PARD3B: variants seen among roughly 807,000 people sequenced by gnomAD.
PARD3B encodes par-3 family cell polarity regulator beta.
PARD3B carries 103 observed loss-of-function variants against 130.2 expected under a neutral mutation model. The ratio of observed to expected loss-of-function variants is 0.79; its 90% CI spans 0.67 to 0.93. PARD3B has a LOEUF of 0.93. Ranked by LOEUF, PARD3B falls within the 40% of genes least tolerant of loss-of-function variation. PARD3B has a pLI of 0.00. For missense variants in PARD3B, 1,609 were observed against 1,499.2 expected, an observed-to-expected ratio of 1.07 and a Z score of -1.21; for synonymous variants, 583 against 553.2, an observed-to-expected ratio of 1.05 and a Z score of -0.76.
intron 1 of PARD3B, among the ~76,000 whole-genome samples, chr2:204,596,799 A>G (rs1227531478): frequency 6.6e-6 from 1 of 151,956 alleles, no homozygotes; most frequent in Non-Finnish European, 1.5e-5. Context: ...GTGGTGGCAC[A>G]TGCATTTACT....
intron 2 of PARD3B, among the ~76,000 whole-genome samples, chr2:204,929,606 T>C (rs1438458549): frequency 6.6e-6 from 1 of 152,070 alleles, no homozygotes; most frequent in Non-Finnish European, 1.5e-5. Context: ...GAAGTTTCAA[T>C]AAATGTAAAT....
At chr2:205,013,234 A>G (rs1229229938) in intron 3 of PARD3B, among the ~76,000 whole-genome samples, 3 of 152,182 alleles carry the variant, frequency 2.0e-5, no homozygotes, top group African/African-American at 7.2e-5. Context: ...TATTTGCTCT[A>G]ATTCAAATGC....
chr2:204,924,253 A>G (rs576544935), intron 2 of PARD3B, among the ~76,000 whole-genome samples: 1 of 152,042 alleles, frequency 6.6e-6, no homozygotes, highest in Non-Finnish European at 1.5e-5. Flanking sequence ...CTAAAACATC[A>G]TGGCTTTCAC....
intron 16 of PARD3B, among the ~76,000 whole-genome samples, chr2:205,272,273 A>G (rs12998621): frequency 8.8e-4 from 134 of 152,192 alleles, no homozygotes; most frequent in Non-Finnish European, 1.8e-3. Context: ...ATATGGCAAT[A>G]TATATTTTAC....
At position 204,545,887 on chromosome 2, in the gene PARD3B, G is replaced by C. The variant is rs2029889025; in HGVS notation, c.-113G>C. ...CGGGCCTCAGGGTGTTCCGGGGAGC[G>C]GCGCCCCGGGTCTCTGGGCCCACCC... is the stretch of plus-strand genomic sequence containing the variant. On this transcript the variant is annotated 5_prime_UTR_variant, in exon 1 of 23. Coordinates refer to ENST00000406610, the MANE Select transcript of PARD3B (RefSeq NM_001302769.2). 1.6e-6 allele frequency: 2 copies of C among 1,220,474 alleles called. No homozygotes were observed. The highest frequency in any genetic ancestry group is 2.2e-6 in the Non-Finnish European group (2 of 926,148). The allele number at this position is 1,220,474 out of a possible 1,614,324, so 75.6% of individuals were successfully genotyped here. A position where few individuals can be genotyped will look rare whatever the true frequency, so the allele number is the denominator to read the frequency against.
chr2:205,193,626 C>CT (rs2036513881), intron 15 of PARD3B, among the ~76,000 whole-genome samples: 1 of 151,990 alleles, frequency 6.6e-6, no homozygotes, highest in African/African-American at 2.4e-5. Flanking sequence ...TTATCTCATC[C>CT]ATCTGCCTTT....
chr2:204,581,312 G>T (rs960973688), intron 1 of PARD3B, among the ~76,000 whole-genome samples: 5 of 152,146 alleles, frequency 3.3e-5, no homozygotes, highest in Admixed American at 3.3e-4. Context: ...AGTTGCATTT[G>T]TAAGTAAATT....
intron 3 of PARD3B, among the ~76,000 whole-genome samples, chr2:205,018,491 G>A (rs1696329630): frequency 6.6e-6 from 1 of 151,976 alleles, no homozygotes; most frequent in African/African-American, 2.4e-5. Flanking sequence ...CATTGGACTT[G>A]ATGAAGTGTT....
In PARD3B at chr2:205,301,205, G is replaced by A. The variant is rs2041983670; in HGVS notation, c.2393-259G>A. Among the ~76,000 whole-genome samples the A allele has an allele frequency of 6.6e-6, 1 of 152,194 alleles. No homozygotes were observed. Among genetic ancestry groups the A allele is most frequent in the African/African-American group, 2.4e-5 (1 of 41,440 alleles). On this transcript the variant is annotated intron_variant, in intron 17 of 22. Transcript: ENST00000406610. This position sits in a 1 kb window ranked among gnomAD's most constrained non-coding sequence, Gnocchi z 5.2. Reference sequence around the variant, plus strand: ...CAAGGTTAACAAGGCAGCTTTCAGAGAGATTAGTGCTTGAACACATATCAA... The same window carrying A: ...CAAGGTTAACAAGGCAGCTTTCAGAAAGATTAGTGCTTGAACACATATCAA...
rs2030793093 is a variant in PARD3B at position 205,121,975 on chromosome 2, C to T, written c.1165+26C>T. On this transcript the variant is annotated intron_variant, in intron 8 of 22. Transcript: ENST00000406610. This position sits in a 1 kb window ranked among gnomAD's most constrained non-coding sequence, Gnocchi z 5.0. Reference sequence around the variant, plus strand: ...GTAATTATTAAATTATGCCTAATAGCATTCTATTATTGTAACATGTAAAAT... The same window carrying T: ...GTAATTATTAAATTATGCCTAATAGTATTCTATTATTGTAACATGTAAAAT... 3 of 1,539,412 alleles carry T rather than the reference C, an allele frequency of 1.9e-6. No homozygotes were observed. In the South Asian group the frequency reaches 3.5e-5, roughly 18 times the overall value.
At chr2:205,500,174 A>G in intron 21 of PARD3B, 143 bp downstream of exon 21, 1 of 945,174 alleles carries the variant, frequency 1.1e-6, no homozygotes, top group Non-Finnish European at 1.5e-6. Flanking sequence ...TACCCAAACC[A>G]CAGGCATATT....
Position 205,300,414 on chromosome 2 carries a change from C to T in PARD3B, c.2186-116C>T. 2.1e-6 allele frequency: 2 copies of T among 945,728 alleles called. No homozygotes were observed. Among genetic ancestry groups the T allele is most frequent in the Non-Finnish European group, 3.3e-6 (2 of 609,168 alleles). 58.6% of individuals were successfully genotyped at this position (945,728 alleles called of 1,614,324 possible). On this transcript the variant is annotated intron_variant, in intron 16 of 22. Coordinates refer to ENST00000406610, the MANE Select transcript of PARD3B (RefSeq NM_001302769.2). This position sits in a 1 kb window ranked among gnomAD's most constrained non-coding sequence, Gnocchi z 4.1. ...CAAAGCTGGAGTATAACCCCAACTCCCACCCACTTAACACCCCTTTTTTGG... is the reference window on the plus strand; with the variant it reads ...CAAAGCTGGAGTATAACCCCAACTCTCACCCACTTAACACCCCTTTTTTGG...
intron 1 of PARD3B, chr2:204,558,181 G>GT (rs1274326977): frequency 1.3e-5 from 2 of 152,172 alleles, no homozygotes; most frequent in Admixed American, 1.3e-4. Flanking sequence ...GCAGTGCCAA[G>GT]TATCTTCCAG....
chr2:204,621,471 A>T (rs1257125617), intron 1 of PARD3B, among the ~76,000 whole-genome samples: 1 of 152,236 alleles, frequency 6.6e-6, no homozygotes, highest in African/African-American at 2.4e-5. Flanking sequence ...CCAGTTTATA[A>T]TATCCTTGAA....
At chr2:204,883,442 T>TA (rs1205685114) in intron 2 of PARD3B, among the ~76,000 whole-genome samples, 15 of 101,918 alleles carry the variant, frequency 1.5e-4, no homozygotes, top group South Asian at 2.6e-4. Context: ...AAAATATATA[T>TA]ATATATATAT....
At chr2:205,556,809 G>C (rs1386348017) in intron 22 of PARD3B, among the ~76,000 whole-genome samples, 1 of 152,180 alleles carries the variant, frequency 6.6e-6, no homozygotes, top group Non-Finnish European at 1.5e-5. Context: ...CACCCTAGGT[G>C]AGTAGGGAAG....
intron 2 of PARD3B, among the ~76,000 whole-genome samples, chr2:204,733,604 C>T (rs77951648): frequency 0.011 from 1,741 of 151,558 alleles, 23 homozygotes; most frequent in African/African-American, 0.04. Context: ...ACAAGAAAAC[C>T]TGAAATGAAG....
chr2:205,195,664 A>T (rs1559008), intron 15 of PARD3B, among the ~76,000 whole-genome samples: 1 of 152,316 alleles, frequency 6.6e-6, no homozygotes, highest in South Asian at 2.1e-4. Context: ...TTGCTCAAAA[A>T]GTAGGTGACT....
At chr2:204,671,798 T>C (rs562087256) in intron 1 of PARD3B, among the ~76,000 whole-genome samples, 86 of 152,304 alleles carry the variant, frequency 5.6e-4, no homozygotes, top group African/African-American at 1.9e-3. Context: ...ATGAAACTTA[T>C]TTTCTTTCAC....
Sources: gnomAD v4.1 joint callset for allele counts (sites outside exome capture counted in the v4.1 genomes callset) on GRCh38, gnomAD v4.1.1 for gene constraint, Gnocchi (gnomAD v3.1) non-coding constraint, MANE v1.5 for transcripts, NCBI Gene and HGNC (gene_info 2026-07-23, HGNC 2026-07-21) for gene names.